NMNAT2: variants seen among roughly 807,000 people sequenced by gnomAD.
NMNAT2 encodes nicotinamide nucleotide adenylyltransferase 2.
A neutral mutation model predicts 41.6 loss-of-function variants in NMNAT2; 11 were observed. That is an observed-to-expected ratio of 0.26 (90% confidence interval 0.17 to 0.44). The LOEUF (loss-of-function observed/expected upper bound fraction) is 0.44. Among genes scored for constraint, NMNAT2 ranks in the 20% least tolerant of loss-of-function variants. NMNAT2 has a pLI of 1.00. For synonymous variants in NMNAT2, 148 were observed against 151.2 expected (o/e 0.98, Z 0.16); for missense variants, 288 against 407.7 (o/e 0.71, Z 2.53).
At chr1:183,293,835 C>T in intron 1 of NMNAT2, 42 bp from the exon 2 acceptor site, 2 of 1,408,250 alleles carry the variant, frequency 1.4e-6, no homozygotes, top group Non-Finnish European at 2.0e-6. Context: ...AGAGGAAAGG[C>T]ATGGATTAAA....
chr1:183,365,265 C>A (rs1419735708), intron 1 of NMNAT2, among the ~76,000 whole-genome samples: 1 of 151,480 alleles, frequency 6.6e-6, no homozygotes, highest in African/African-American at 2.4e-5. Context: ...TCTCAGTGGT[C>A]GGAGGAGAAC....
At chr1:183,417,724 C>G (rs1168514216) in intron 1 of NMNAT2, among the ~76,000 whole-genome samples, 1 of 152,190 alleles carries the variant, frequency 6.6e-6, no homozygotes, top group African/African-American at 2.4e-5. Flanking sequence ...GTTTGCGAAT[C>G]CCAGGCACAT....
chr1:183,286,940 G>T (rs761107224), intron 4 of NMNAT2, 152 bp from the exon 5 acceptor site: 44 of 663,990 alleles, frequency 6.6e-5, no homozygotes, highest in Non-Finnish European at 1.0e-4. Flanking sequence ...GCTGCATCAT[G>T]TGGTCACTAG....
intron 1 of NMNAT2, among the ~76,000 whole-genome samples, chr1:183,314,304 C>CCTTCTG: frequency 6.6e-6 from 1 of 152,190 alleles, no homozygotes; most frequent in Non-Finnish European, 1.5e-5. Context: ...GTCTCAAATG[C>CCTTCTG]TCTTCCCTAC....
intron 1 of NMNAT2, among the ~76,000 whole-genome samples, chr1:183,360,093 A>G (rs1001439472): frequency 1.3e-5 from 2 of 152,128 alleles, no homozygotes; most frequent in African/African-American, 4.8e-5. Context: ...GAGTCACTCA[A>G]TTGTGCTCTG....
chr1:183,300,674 T>C (rs1661826027), intron 1 of NMNAT2, among the ~76,000 whole-genome samples: 2 of 152,210 alleles, frequency 1.3e-5, no homozygotes, highest in Admixed American at 6.5e-5. Flanking sequence ...TGCAAATCTA[T>C]AGTTATCTCA....
intron 1 of NMNAT2, among the ~76,000 whole-genome samples, chr1:183,412,064 G>A (rs1364466817): frequency 6.6e-6 from 1 of 152,224 alleles, no homozygotes; most frequent in Non-Finnish European, 1.5e-5. Flanking sequence ...GCGTTAGGGT[G>A]GAGGTGGGGG....
chr1:183,267,733 G>C (rs1344408110), intron 8 of NMNAT2, among the ~76,000 whole-genome samples: 1 of 152,064 alleles, frequency 6.6e-6, no homozygotes, highest in Non-Finnish European at 1.5e-5. Context: ...CTGCTCGAGG[G>C]GACCAGCACC....
At chr1:183,378,633 G>C (rs1663729060) in intron 1 of NMNAT2, among the ~76,000 whole-genome samples, 1 of 152,032 alleles carries the variant, frequency 6.6e-6, no homozygotes, top group Admixed American at 6.6e-5. Context: ...GACAGAAAAA[G>C]AAAATGGAAG....
intron 1 of NMNAT2, among the ~76,000 whole-genome samples, chr1:183,308,838 C>T (rs543138368): frequency 9.0e-4 from 137 of 152,238 alleles, no homozygotes; most frequent in South Asian, 2.9e-3. Flanking sequence ...ATCAGCCATA[C>T]GACAGTGAGG....
chr1:183,396,154 G>A (rs1648632289), intron 1 of NMNAT2, among the ~76,000 whole-genome samples: 1 of 152,092 alleles, frequency 6.6e-6, no homozygotes, highest in Non-Finnish European at 1.5e-5. Flanking sequence ...GTAGACATAA[G>A]TGCCAGAGGA....
chr1:183,406,799 T>TGCTCTG (rs5779175), intron 1 of NMNAT2, among the ~76,000 whole-genome samples: 55,077 of 146,276 alleles, frequency 0.38, 11,820 homozygotes, highest in East Asian at 0.64. Flanking sequence ...GAAACTCAAC[T>TGCTCTG]GCTCTGCCAT....
chr1:183,387,896 G>A (rs554646895), intron 1 of NMNAT2, among the ~76,000 whole-genome samples: 1 of 152,334 alleles, frequency 6.6e-6, no homozygotes, highest in African/African-American at 2.4e-5. Flanking sequence ...TAGATTCTCA[G>A]TCGGGTGGTC....
At chr1:183,296,449 C>G (rs1661699478) in intron 1 of NMNAT2, among the ~76,000 whole-genome samples, 1 of 151,948 alleles carries the variant, frequency 6.6e-6, no homozygotes, top group African/African-American at 2.4e-5. Context: ...TTCTGTTGCT[C>G]CAAATTCTTA....
Position 183,318,049 on chromosome 1 carries a change from A to G in NMNAT2, c.86-24256T>C, listed in dbSNP as rs147006217. Among the ~76,000 whole-genome samples the G allele has an allele frequency of 3.6e-3, 547 of 152,310 alleles. 1 individual carries two copies. The highest frequency in any genetic ancestry group is 0.012 in the African/African-American group (519 of 41,566). Reference sequence around the variant, plus strand: ...TCTATTATGTTCTGGGCACTGTTCTATAGCCTTCACAAACAGTTATTCTAA... The same window carrying G: ...TCTATTATGTTCTGGGCACTGTTCTGTAGCCTTCACAAACAGTTATTCTAA... On this transcript the variant is annotated intron_variant, in intron 1 of 10. Coordinates refer to ENST00000287713, the MANE Select transcript of NMNAT2 (RefSeq NM_015039.4).
At chr1:183,268,176 A>G (rs1425141269) in intron 8 of NMNAT2, among the ~76,000 whole-genome samples, 1 of 152,086 alleles carries the variant, frequency 6.6e-6, no homozygotes, top group Non-Finnish European at 1.5e-5. Context: ...TTGGCCTTGG[A>G]AGAGAAAACA....
chr1:183,333,369 T>C (rs1409731437), intron 1 of NMNAT2, among the ~76,000 whole-genome samples: 3 of 152,232 alleles, frequency 2.0e-5, no homozygotes, highest in Non-Finnish European at 2.9e-5. Context: ...TTATCTTACA[T>C]GGCAGAAGGG....
At chr1:183,333,195 C>T (rs1442667679) in intron 1 of NMNAT2, among the ~76,000 whole-genome samples, 2 of 152,162 alleles carry the variant, frequency 1.3e-5, no homozygotes, top group African/African-American at 4.8e-5. Context: ...AAAGTGTGGT[C>T]ACTCCAGCAC....
chr1:183,382,805 G>A (rs1056755763), intron 1 of NMNAT2, among the ~76,000 whole-genome samples: 2 of 152,174 alleles, frequency 1.3e-5, no homozygotes, highest in Admixed American at 6.5e-5. Flanking sequence ...TGCCCCTTTA[G>A]CTCTGCAGGG....
Sources: gnomAD v4.1 joint callset for allele counts (sites outside exome capture counted in the v4.1 genomes callset) on GRCh38, gnomAD v4.1.1 for gene constraint, MANE v1.5 for transcripts, NCBI Gene and HGNC (gene_info 2026-07-23, HGNC 2026-07-21) for gene names.